Variants in UMAD1 observed in about 807,000 individuals in gnomAD.
UMAD1 encodes UBAP1-MVB12-associated (UMA) domain containing 1.
A neutral mutation model predicts 6.1 loss-of-function variants in UMAD1; 8 were observed. The ratio of observed to expected loss-of-function variants is 1.30; its 90% CI spans 0.76 to 2.35. The LOEUF is 2.35. UMAD1 is among the 30% of genes most tolerant of loss of function. UMAD1 has a pLI of 0.00. For missense variants in UMAD1, 130 were observed against 78.4 expected (o/e 1.66, Z -2.49); for synonymous variants, 56 against 31.4 (o/e 1.78, Z -2.61).
At chr7:7,835,038 G>A (rs780945251) in intron 3 of UMAD1, among the ~76,000 whole-genome samples, 3 of 152,176 alleles carry the variant, frequency 2.0e-5, no homozygotes, top group Admixed American at 1.3e-4. Context: ...GACTGCCCCC[G>A]TGATCTAATC....
chr7:7,856,879 G>C (rs1784029232), intron 3 of UMAD1, among the ~76,000 whole-genome samples: 1 of 152,196 alleles, frequency 6.6e-6, no homozygotes, highest in African/African-American at 2.4e-5. Flanking sequence ...AATAGCATCA[G>C]TTGGGCACAT....
intron 1 of UMAD1, among the ~76,000 whole-genome samples, chr7:7,653,992 C>T (rs1356267992): frequency 6.6e-6 from 1 of 152,148 alleles, no homozygotes; most frequent in African/African-American, 2.4e-5. Context: ...GATTTCCCCC[C>T]TAAATTAGTA....
chr7:7,870,509 C>A (rs1230985440), intron 3 of UMAD1, among the ~76,000 whole-genome samples: 3 of 152,132 alleles, frequency 2.0e-5, no homozygotes, highest in Non-Finnish European at 4.4e-5. Flanking sequence ...CCATTAAAGA[C>A]CCATTTTATT....
At chr7:7,769,162 T>G (rs1239109525) in intron 2 of UMAD1, among the ~76,000 whole-genome samples, 1 of 152,192 alleles carries the variant, frequency 6.6e-6, no homozygotes, top group African/African-American at 2.4e-5. Context: ...CAAGCTGAGC[T>G]CCAGATACTC....
intron 2 of UMAD1, among the ~76,000 whole-genome samples, chr7:7,723,684 A>G (rs181970028): frequency 6.6e-6 from 1 of 152,332 alleles, no homozygotes; most frequent in Non-Finnish European, 1.5e-5. Flanking sequence ...TGGCAACCAT[A>G]GTCACTCAAC....
intron 2 of UMAD1, among the ~76,000 whole-genome samples, chr7:7,765,218 T>C (rs1781961782): frequency 6.6e-6 from 1 of 152,184 alleles, no homozygotes; most frequent in Non-Finnish European, 1.5e-5. Flanking sequence ...TTACTCTATG[T>C]ATCTGTCTCT....
At chr7:7,763,156 G>A (rs917044722) in intron 2 of UMAD1, among the ~76,000 whole-genome samples, 1 of 152,100 alleles carries the variant, frequency 6.6e-6, no homozygotes, top group African/African-American at 2.4e-5. Context: ...AACATAGGTA[G>A]TATTTAAAAT....
At chr7:7,644,983 A>C (rs1223319605) in intron 1 of UMAD1, among the ~76,000 whole-genome samples, 1 of 152,222 alleles carries the variant, frequency 6.6e-6, no homozygotes, top group African/African-American at 2.4e-5. Context: ...AAAAGGTCTC[A>C]TACTTTTCTA....
intron 1 of UMAD1, among the ~76,000 whole-genome samples, chr7:7,655,788 AG>A (rs1286780087): frequency 6.6e-6 from 1 of 151,838 alleles, no homozygotes; most frequent in African/African-American, 2.4e-5. Flanking sequence ...ATATTTTTGT[AG>A]GTATATAGTA....
chr7:7,876,024 G>A (rs1583889532), intron 3 of UMAD1, among the ~76,000 whole-genome samples: 2 of 152,326 alleles, frequency 1.3e-5, no homozygotes, highest in South Asian at 4.1e-4. Context: ...CTGCGCCCCA[G>A]CCTGGGTGAC....
At chr7:7,789,512 A>T (rs967186421) in intron 2 of UMAD1, among the ~76,000 whole-genome samples, 3 of 152,112 alleles carry the variant, frequency 2.0e-5, no homozygotes, top group Non-Finnish European at 2.9e-5. Flanking sequence ...ATCTTAAACT[A>T]TTTTTGAGTA....
At chr7:7,746,409 T>C (rs1781575617) in intron 2 of UMAD1, among the ~76,000 whole-genome samples, 1 of 152,242 alleles carries the variant, frequency 6.6e-6, no homozygotes, top group South Asian at 2.1e-4. Flanking sequence ...CATTTTAGAC[T>C]ATTTAAAAAT....
At chr7:7,703,496 C>T (rs144689837) in intron 2 of UMAD1, among the ~76,000 whole-genome samples, 345 of 152,260 alleles carry the variant, frequency 2.3e-3, no homozygotes, top group African/African-American at 7.8e-3. Flanking sequence ...AGCACATACA[C>T]ATAATTTTAT....
chr7:7,763,917 G>A (rs1781939094), intron 2 of UMAD1, among the ~76,000 whole-genome samples: 1 of 152,166 alleles, frequency 6.6e-6, no homozygotes, highest in African/African-American at 2.4e-5. Context: ...AATGAAGTAT[G>A]TCAACTAGTT....
At chr7:7,669,170 G>A (rs1779542724) in intron 1 of UMAD1, among the ~76,000 whole-genome samples, 1 of 152,024 alleles carries the variant, frequency 6.6e-6, no homozygotes, top group Non-Finnish European at 1.5e-5. Flanking sequence ...CTGTATATAG[G>A]GTTTAGTACT....
chr7:7,823,518 C>T (rs769434272), intron 3 of UMAD1, among the ~76,000 whole-genome samples: 2 of 151,996 alleles, frequency 1.3e-5, no homozygotes, highest in Non-Finnish European at 2.9e-5. Flanking sequence ...CTCCGTTTGC[C>T]CAATTTTTTT....
At chr7:7,741,566 G>T (rs1287355494) in intron 2 of UMAD1, among the ~76,000 whole-genome samples, 1 of 140,888 alleles carries the variant, frequency 7.1e-6, no homozygotes, top group East Asian at 2.0e-4. Flanking sequence ...TACAGAGCGA[G>T]ACAACGTCTC....
At chr7:7,650,766 G>A (rs1785206966) in intron 1 of UMAD1, among the ~76,000 whole-genome samples, 1 of 152,166 alleles carries the variant, frequency 6.6e-6, no homozygotes, top group Non-Finnish European at 1.5e-5. Flanking sequence ...ATATCAGACT[G>A]ATCACTCTCC....
chr7:7,724,822 A>G (rs1319003602), intron 2 of UMAD1, among the ~76,000 whole-genome samples: 1 of 152,228 alleles, frequency 6.6e-6, no homozygotes, highest in African/African-American at 2.4e-5. Flanking sequence ...CATAAGGTCC[A>G]CCAGAAGCAA....
Sources: gnomAD v4.1 joint callset for allele counts (sites outside exome capture counted in the v4.1 genomes callset) on GRCh38, gnomAD v4.1.1 for gene constraint, MANE v1.5 for transcripts, NCBI Gene and HGNC (gene_info 2026-07-23, HGNC 2026-07-21) for gene names.